ROBO1: variants seen among roughly 807,000 people sequenced by gnomAD.
ROBO1 encodes the protein roundabout guidance receptor 1.
Under a neutral mutation model 195.9 loss-of-function variants are expected in ROBO1, and 149 were observed. The ratio of observed to expected loss-of-function variants is 0.76; its 90% confidence interval spans 0.67 to 0.87. The LOEUF (loss-of-function observed/expected upper bound fraction) is 0.87, where lower values mean the gene tolerates loss of function less well. Among genes scored for constraint, ROBO1 ranks in the 40% least tolerant of loss-of-function variants. The pLI, the probability that ROBO1 is intolerant of heterozygous loss-of-function variation, is 0.00. For synonymous variants in ROBO1, 816 were observed against 733.2 expected (o/e 1.11, Z -1.82); for missense variants, 1,933 against 2,068.3 (o/e 0.93, Z 1.27).
At chr3:78,950,222 A>T (rs1251421251) in intron 3 of ROBO1, among the ~76,000 whole-genome samples, 1 of 152,008 alleles carries the variant, frequency 6.6e-6, no homozygotes, top group African/African-American at 2.4e-5. Context: ...GTATGTTTAC[A>T]GCAGCACTAT....
chr3:78,717,408 G>T lies in ROBO1; in HGVS notation c.784C>A (p.Pro262Thr), dbSNP rs1197204382. 6.2e-7 allele frequency: 1 copy of T among 1,613,376 alleles called. No individual in the cohort carries two copies. Among genetic ancestry groups the T allele is most frequent in the South Asian group, 1.1e-5 (1 of 91,038 alleles). Residue 262 changes from proline (P) to threonine (T), a missense_variant, in exon 7 of 31, where the codon CCA becomes ACA. By Grantham distance (38) the Pro-to-Thr change is conservative. Around this residue, in one of 3 missense-constraint regions of ROBO1, gnomAD observed 1,737 missense variants for 1,882.5 expected, o/e 0.92. Coordinates refer to ENST00000464233, the MANE Select transcript of ROBO1 (RefSeq NM_002941.4). Reference protein sequence around the residue: ...EVAELTVLERPSFVKRPSNLA... With the variant: ...EVAELTVLERTSFVKRPSNLA... ...TTACTGGGTCTCTTCACAAATGATGGTCTCTCTAAAATTAAAAAGAGTCAT... is the reference window on the plus strand; with the variant it reads ...TTACTGGGTCTCTTCACAAATGATGTTCTCTCTAAAATTAAAAAGAGTCAT...
chr3:78,698,282 A>G (rs2081345729), intron 8 of ROBO1, among the ~76,000 whole-genome samples: 1 of 152,218 alleles, frequency 6.6e-6, no homozygotes, highest in Non-Finnish European at 1.5e-5. Context: ...AAAATTATAT[A>G]CATAGATACT....
intron 1 of ROBO1, among the ~76,000 whole-genome samples, chr3:79,698,945 T>C (rs532041635): frequency 3.6e-4 from 54 of 151,428 alleles, no homozygotes; most frequent in Non-Finnish European, 7.2e-4. Flanking sequence ...CCATATTTGA[T>C]CACAAAATGA....
At chr3:79,503,139 G>A (rs79720598) in intron 2 of ROBO1, among the ~76,000 whole-genome samples, 1 of 152,150 alleles carries the variant, frequency 6.6e-6, no homozygotes, top group Admixed American at 6.5e-5. Flanking sequence ...GCCATTATGA[G>A]CTGTAACACT....
At chr3:78,614,467 G>A (rs903577962) in intron 28 of ROBO1, among the ~76,000 whole-genome samples, 181 bp downstream of exon 28, 8 of 152,130 alleles carry the variant, frequency 5.3e-5, no homozygotes, top group Non-Finnish European at 1.2e-4. Context: ...TCAGAAAACT[G>A]CAAGGAGTAG....
At chr3:79,417,574 T>C (rs2038057479) in intron 2 of ROBO1, among the ~76,000 whole-genome samples, 1 of 152,194 alleles carries the variant, frequency 6.6e-6, no homozygotes, top group African/African-American at 2.4e-5. Context: ...ATAACTGCTA[T>C]AGTCTGGATC....
intron 26 of ROBO1, among the ~76,000 whole-genome samples, chr3:78,619,260 T>C (rs1022265934): frequency 6.6e-6 from 1 of 151,970 alleles, no homozygotes; most frequent in South Asian, 2.1e-4. Context: ...AGCACTGGTA[T>C]TGGAGAGCAG....
chr3:79,547,460 T>C (rs1376348085), intron 2 of ROBO1, among the ~76,000 whole-genome samples: 2 of 152,152 alleles, frequency 1.3e-5, no homozygotes, highest in Non-Finnish European at 2.9e-5. Context: ...CATTCTGATA[T>C]AGTTAATTAT....
chr3:79,588,784 C>T (rs1943907859), intron 2 of ROBO1, among the ~76,000 whole-genome samples: 1 of 151,654 alleles, frequency 6.6e-6, no homozygotes, highest in South Asian at 2.1e-4. Context: ...TATTTTATTA[C>T]AACAGACTTA....
At chr3:79,275,956 A>T (rs933134614) in intron 2 of ROBO1, among the ~76,000 whole-genome samples, 1 of 151,952 alleles carries the variant, frequency 6.6e-6, no homozygotes, top group African/African-American at 2.4e-5. Flanking sequence ...ACCATGAAAC[A>T]CTGATGCAAG....
chr3:79,477,297 C>A (rs1444059215), intron 2 of ROBO1, among the ~76,000 whole-genome samples: 2 of 152,032 alleles, frequency 1.3e-5, no homozygotes, highest in Non-Finnish European at 2.9e-5. Context: ...GGTAAATCAC[C>A]CTGAACAGCT....
At chr3:78,683,149 G>A (rs769106540) in intron 10 of ROBO1, among the ~76,000 whole-genome samples, 7 of 150,816 alleles carry the variant, frequency 4.6e-5, no homozygotes, top group Non-Finnish European at 8.9e-5. Context: ...CACACACACC[G>A]TCACATCAAA....
chr3:79,452,513 C>T (rs2039478507), intron 2 of ROBO1, among the ~76,000 whole-genome samples: 1 of 152,066 alleles, frequency 6.6e-6, no homozygotes, highest in Admixed American at 6.6e-5. Context: ...ATGCATGTCA[C>T]TATTAAATCT....
chr3:79,530,375 C>T (rs549208621), intron 2 of ROBO1, among the ~76,000 whole-genome samples: 2 of 151,942 alleles, frequency 1.3e-5, no homozygotes, highest in African/African-American at 4.8e-5. Context: ...ATTTTTTTTC[C>T]TGTCTGCCAG....
chr3:78,971,716 T>C (rs2076769789), intron 3 of ROBO1, among the ~76,000 whole-genome samples: 1 of 152,152 alleles, frequency 6.6e-6, no homozygotes, highest in Non-Finnish European at 1.5e-5. Context: ...AAAAATCAAA[T>C]ACTTTGTACT....
At chr3:79,446,338 A>T (rs1048686553) in intron 2 of ROBO1, among the ~76,000 whole-genome samples, 1 of 152,164 alleles carries the variant, frequency 6.6e-6, no homozygotes, top group Non-Finnish European at 1.5e-5. Flanking sequence ...TATAATTGCA[A>T]ATCATCTTTC....
intron 18 of ROBO1, among the ~76,000 whole-genome samples, chr3:78,654,315 G>C (rs1392535097): frequency 6.6e-6 from 1 of 152,132 alleles, no homozygotes; most frequent in Non-Finnish European, 1.5e-5. Flanking sequence ...CAGAATTCCA[G>C]ATCTCATTCT....
intron 2 of ROBO1, among the ~76,000 whole-genome samples, chr3:79,554,438 A>C (rs893569154): frequency 8.5e-5 from 13 of 152,102 alleles, no homozygotes; most frequent in African/African-American, 3.1e-4. Flanking sequence ...AAAGAGAGTG[A>C]ACATTTAAGA....
intron 3 of ROBO1, among the ~76,000 whole-genome samples, chr3:78,980,365 A>C (rs2076965716): frequency 6.6e-6 from 1 of 152,174 alleles, no homozygotes. Context: ...GTTTGGCATA[A>C]TGTCACCATG....
Sources: gnomAD v4.1 joint callset for allele counts (sites outside exome capture counted in the v4.1 genomes callset) on GRCh38, gnomAD v4.1.1 for gene constraint, gnomAD v4.1.1 regional missense constraint, MANE v1.5 for transcripts, NCBI Gene and HGNC (gene_info 2026-07-23, HGNC 2026-07-21) for gene names.